Variants in ANO3 observed in about 807,000 individuals in gnomAD.
The protein encoded by ANO3 is anoctamin 3, also known as anoctamin-3.
ANO3 carries 99 observed loss-of-function variants against 144.8 expected under a neutral mutation model. The observed-to-expected ratio is 0.68, with a 90% CI of 0.58 to 0.81. The LOEUF is 0.81. Ranked by LOEUF, ANO3 falls within the 30% of genes least tolerant of loss-of-function variation. The pLI is 0.00. For synonymous variants in ANO3, 414 were observed against 392.6 expected, an observed-to-expected ratio of 1.05 and a Z score of -0.64; for missense variants, 905 against 1,202.2, an observed-to-expected ratio of 0.75 and a Z score of 3.66.
chr11:26,539,032 G>A (rs1017334451), intron 10 of ANO3, among the ~76,000 whole-genome samples: 7 of 151,900 alleles, frequency 4.6e-5, no homozygotes, highest in African/African-American at 1.7e-4. Context: ...AGTGGTCGAG[G>A]TTTGTTTTTT....
chr11:26,288,309 A>G (rs546060306), intron 1 of ANO3, among the ~76,000 whole-genome samples: 31 of 152,312 alleles, frequency 2.0e-4, no homozygotes, highest in African/African-American at 6.3e-4. Context: ...GGAGGTATCA[A>G]TTGTCACTGA....
intron 1 of ANO3, among the ~76,000 whole-genome samples, chr11:26,283,321 A>AATATATATATATATATATATATATAT (rs58419788): frequency 2.0e-5 from 1 of 49,136 alleles, no homozygotes; most frequent in Non-Finnish European, 4.0e-5. Context: ...CAAATAAATA[A>AATATATATATATATATATATATATAT]ATATATATAT....
At chr11:26,401,062 G>A (rs1011783205) in intron 1 of ANO3, among the ~76,000 whole-genome samples, 3 of 151,898 alleles carry the variant, frequency 2.0e-5, no homozygotes, top group East Asian at 1.9e-4. Flanking sequence ...GATATGCATC[G>A]TGTGATGACA....
intron 4 of ANO3, among the ~76,000 whole-genome samples, chr11:26,481,216 C>A (rs1423112577): frequency 6.6e-6 from 1 of 152,020 alleles, no homozygotes; most frequent in Non-Finnish European, 1.5e-5. Context: ...TAGCCTTTAC[C>A]CACACCATAG....
chr11:26,641,250 A>G (rs1257765549), intron 21 of ANO3, among the ~76,000 whole-genome samples: 1 of 152,236 alleles, frequency 6.6e-6, no homozygotes, highest in Non-Finnish European at 1.5e-5. Context: ...ATTGTTCACT[A>G]CAATAGCAGA....
At chr11:26,374,444 T>C (rs1177231968) in intron 1 of ANO3, among the ~76,000 whole-genome samples, 1 of 152,192 alleles carries the variant, frequency 6.6e-6, no homozygotes, top group Non-Finnish European at 1.5e-5. Flanking sequence ...TGTCTACTAC[T>C]GGAATCATTT....
intron 1 of ANO3, among the ~76,000 whole-genome samples, chr11:26,235,012 G>GAGAGAGAGAGAGAGAGAA (rs771922780): frequency 9.9e-5 from 15 of 151,794 alleles, no homozygotes; most frequent in Non-Finnish European, 2.1e-4. Flanking sequence ...AAGAGAGAGA[G>GAGAGAGAGAGAGAGAGAA]AGAGAGAGAG....
chr11:26,637,755 A>G (rs1252476533), intron 20 of ANO3, among the ~76,000 whole-genome samples: 1 of 138,746 alleles, frequency 7.2e-6, no homozygotes, highest in African/African-American at 2.6e-5. Context: ...CTGGGCTGGA[A>G]CAGGAAAAGC....
intron 3 of ANO3, among the ~76,000 whole-genome samples, chr11:26,458,219 C>T (rs1859241044): frequency 6.6e-6 from 1 of 152,076 alleles, no homozygotes; most frequent in Admixed American, 6.6e-5. Context: ...ACAACCAAAA[C>T]ACATTAGTAG....
intron 1 of ANO3, chr11:26,287,407 T>C (rs939015157): frequency 3.3e-5 from 5 of 152,298 alleles, no homozygotes; most frequent in Middle Eastern, 3.4e-3. Flanking sequence ...GTAAAGCAGA[T>C]GACAATATCC....
chr11:26,322,632 T>C (rs537564613), intron 1 of ANO3, among the ~76,000 whole-genome samples: 1 of 152,190 alleles, frequency 6.6e-6, no homozygotes, highest in East Asian at 1.9e-4. Context: ...TTTGGGGAGG[T>C]ACACAGAAAG....
At chr11:26,324,699 AT>A (rs1404873579) in intron 1 of ANO3, among the ~76,000 whole-genome samples, 1 of 152,190 alleles carries the variant, frequency 6.6e-6, no homozygotes, top group East Asian at 1.9e-4. Context: ...GTAAGCCAAA[AT>A]TTTGCAGTGC....
chr11:26,264,982 A>T (rs1021499823), intron 1 of ANO3, among the ~76,000 whole-genome samples: 4 of 152,108 alleles, frequency 2.6e-5, no homozygotes, highest in Non-Finnish European at 5.9e-5. Flanking sequence ...GGTAATATAT[A>T]TTGAAGTTGG....
At chr11:26,199,755 T>C (rs936607313) in intron 1 of ANO3, among the ~76,000 whole-genome samples, 1 of 152,244 alleles carries the variant, frequency 6.6e-6, no homozygotes, top group Non-Finnish European at 1.5e-5. Flanking sequence ...ACATAAGGCC[T>C]ACCTTGGCAG....
At chr11:26,450,166 T>C (rs998456726) in intron 3 of ANO3, among the ~76,000 whole-genome samples, 2 of 152,204 alleles carry the variant, frequency 1.3e-5, no homozygotes, top group East Asian at 1.9e-4. Context: ...CACTAGATGA[T>C]AGTAACTGTG....
intron 14 of ANO3, among the ~76,000 whole-genome samples, chr11:26,568,917 A>G (rs1300551333): frequency 6.6e-6 from 1 of 152,062 alleles, no homozygotes; most frequent in Non-Finnish European, 1.5e-5. Context: ...GTACTTAGCC[A>G]CTATTTTCAG....
chr11:26,660,162 C>T (rs1853833345), intron 26 of ANO3, 100 bp from the exon 27 acceptor site: 6 of 1,061,554 alleles, frequency 5.7e-6, no homozygotes, highest in Non-Finnish European at 8.5e-6. Flanking sequence ...AGTTCTGATG[C>T]TTGATTCAAG....
At chr11:26,379,393 G>A (rs1856518773) in intron 1 of ANO3, among the ~76,000 whole-genome samples, 2 of 152,164 alleles carry the variant, frequency 1.3e-5, no homozygotes, top group Admixed American at 1.3e-4. Context: ...AGGATAGAGT[G>A]TAAGTTAGTA....
At chr11:26,295,599 G>A (rs1186683241) in intron 1 of ANO3, among the ~76,000 whole-genome samples, 1 of 150,100 alleles carries the variant, frequency 6.7e-6, no homozygotes, top group Non-Finnish European at 1.5e-5. Context: ...AATACTTAAA[G>A]CTATCAAGTA....
Sources: allele counts gnomAD v4.1 joint callset (sites outside exome capture counted in the v4.1 genomes callset), GRCh38; gene constraint gnomAD v4.1.1; transcripts MANE v1.5; gene names NCBI Gene and HGNC (gene_info 2026-07-23, HGNC 2026-07-21).